LUZP2: variants seen among roughly 807,000 people sequenced by gnomAD.
The protein encoded by LUZP2 is leucine zipper protein 2.
A neutral mutation model predicts 51.6 loss-of-function variants in LUZP2; 52 were observed. The ratio of observed to expected loss-of-function variants is 1.01; its 90% CI spans 0.81 to 1.27. The LOEUF (loss-of-function observed/expected upper bound fraction) is 1.27, where lower values mean the gene tolerates loss of function less well. LUZP2 is among the 50% of genes most tolerant of loss of function. The pLI is 0.00. For missense variants in LUZP2, 436 were observed against 395.4 expected (o/e 1.10, Z -0.87); for synonymous variants, 154 against 137.3 (o/e 1.12, Z -0.85).
chr11:24,896,724 C>G (rs909164293), intron 5 of LUZP2, among the ~76,000 whole-genome samples: 3 of 152,334 alleles, frequency 2.0e-5, no homozygotes, highest in African/African-American at 7.2e-5. Context: ...CCGGTGGCCC[C>G]GGCACGGGAT....
chr11:24,896,944 C>G (rs745338796), intron 5 of LUZP2, among the ~76,000 whole-genome samples: 4 of 152,116 alleles, frequency 2.6e-5, no homozygotes, highest in Non-Finnish European at 5.9e-5. Flanking sequence ...CACCAATCAG[C>G]ACTCTGTGTC....
Position 25,079,790 on chromosome 11 carries a change from T to A in LUZP2, c.*1132T>A, listed in dbSNP as rs1859416624. 6.6e-6 allele frequency: 1 copy of A among 152,212 alleles called. No homozygotes were observed. Among genetic ancestry groups the A allele is most frequent in the Admixed American group, 6.5e-5 (1 of 15,276 alleles). 9.4% of individuals were successfully genotyped at this position (152,212 alleles called of 1,614,324 possible). A position where few individuals can be genotyped will look rare whatever the true frequency, so the allele number is the denominator to read the frequency against. On this transcript the variant is annotated 3_prime_UTR_variant, in exon 12 of 12. Coordinates refer to ENST00000336930, the MANE Select transcript of LUZP2 (RefSeq NM_001009909.4). Reference sequence around the variant, plus strand: ...GTTGTCTGGACTGAAAAGTCATTTCTTTTGTTTAGAACCTTTTTGCAACCG... The same window carrying A: ...GTTGTCTGGACTGAAAAGTCATTTCATTTGTTTAGAACCTTTTTGCAACCG...
intron 5 of LUZP2, among the ~76,000 whole-genome samples, chr11:24,899,317 G>T (rs1191935023): frequency 6.6e-6 from 1 of 151,624 alleles, no homozygotes; most frequent in African/African-American, 2.4e-5. Flanking sequence ...TCAAATGTAG[G>T]ATATTTGAGT....
intron 1 of LUZP2, among the ~76,000 whole-genome samples, chr11:24,701,979 T>G (rs1235966156): frequency 6.6e-6 from 1 of 152,232 alleles, no homozygotes; most frequent in Non-Finnish European, 1.5e-5. Flanking sequence ...CATTGTTTCC[T>G]AAAGAAAACC....
chr11:24,816,699 C>T (rs987877584), intron 5 of LUZP2, among the ~76,000 whole-genome samples: 1 of 151,960 alleles, frequency 6.6e-6, no homozygotes, highest in East Asian at 1.9e-4. Flanking sequence ...TCATGACAAG[C>T]ACCATGTTAA....
chr11:24,602,171 T>A lies in LUZP2; in HGVS notation c.62+104866T>A, dbSNP rs866802593. On this transcript the variant is annotated intron_variant, in intron 1 of 11. Transcript: ENST00000336930. ...ATATGTATATATGTATATATGTGTA[T>A]ATATATGTGTATATATGTATATATG... Among the ~76,000 whole-genome samples the A allele has an allele frequency of 5.3e-5, 4 of 74,932 alleles. 1 individual carries two copies. The highest frequency in any genetic ancestry group is 2.5e-4 in the African/African-American group (4 of 16,230). The allele number at this position is 74,932 out of a possible 152,430, so 49.2% of individuals were successfully genotyped here.
chr11:24,839,815 G>A (rs74803530), intron 5 of LUZP2, among the ~76,000 whole-genome samples: 2,140 of 151,652 alleles, frequency 0.014, 48 homozygotes, highest in African/African-American at 0.048. Flanking sequence ...AGAAATAATC[G>A]AAATGATAGT....
At chr11:24,766,934 A>G (rs1590481199) in intron 5 of LUZP2, among the ~76,000 whole-genome samples, 1 of 151,836 alleles carries the variant, frequency 6.6e-6, no homozygotes, top group Non-Finnish European at 1.5e-5. Context: ...GCTAATTTCT[A>G]TATTTTTAGT....
In LUZP2 at chr11:24,617,595, C is replaced by A. The variant is rs548807005; in HGVS notation, c.63-111574C>A. On this transcript the variant is annotated intron_variant, in intron 1 of 11. Coordinates refer to ENST00000336930, the MANE Select transcript of LUZP2 (RefSeq NM_001009909.4). Reference sequence around the variant, plus strand: ...TAGCACTTTGGGAAGCCAAGGTGGGCAGATTGCCTGAGCTCAGGAGTTTGA... The same window carrying A: ...TAGCACTTTGGGAAGCCAAGGTGGGAAGATTGCCTGAGCTCAGGAGTTTGA... Among the ~76,000 whole-genome samples the A allele has an allele frequency of 4.6e-5, 7 of 152,204 alleles. No homozygotes were observed. In the East Asian group the frequency reaches 1.2e-3, roughly 25 times the overall value.
At chr11:24,704,521 T>G (rs1258869624) in intron 1 of LUZP2, among the ~76,000 whole-genome samples, 1 of 151,630 alleles carries the variant, frequency 6.6e-6, no homozygotes, top group East Asian at 1.9e-4. Context: ...TGGCATTAAT[T>G]AGTTTGCACT....
At chr11:24,961,812 C>T (rs1246244990) in intron 7 of LUZP2, among the ~76,000 whole-genome samples, 1 of 147,426 alleles carries the variant, frequency 6.8e-6, no homozygotes, top group East Asian at 2.0e-4. Context: ...GGTTATTTTG[C>T]TCGTTAGTTG....
chr11:24,506,659 G>T (rs1184154350), intron 1 of LUZP2, among the ~76,000 whole-genome samples: 2 of 152,044 alleles, frequency 1.3e-5, no homozygotes, highest in Non-Finnish European at 2.9e-5. Context: ...GATTTCTGAG[G>T]ACTAATCGTG....
intron 1 of LUZP2, among the ~76,000 whole-genome samples, chr11:24,593,843 C>T (rs1853339307): frequency 6.6e-6 from 1 of 152,230 alleles, no homozygotes; most frequent in East Asian, 1.9e-4. Context: ...AACTAAAGTC[C>T]ACCTTGAGGG....
intron 7 of LUZP2, among the ~76,000 whole-genome samples, chr11:24,952,110 C>T (rs1273130860): frequency 6.6e-6 from 1 of 151,434 alleles, no homozygotes; most frequent in Non-Finnish European, 1.5e-5. Context: ...ATAAGATGAA[C>T]AAATATTAAA....
chr11:24,835,071 A>G (rs1165841606), intron 5 of LUZP2, among the ~76,000 whole-genome samples: 1 of 152,064 alleles, frequency 6.6e-6, no homozygotes, highest in Non-Finnish European at 1.5e-5. Context: ...CCACAAGGCT[A>G]CAGTAACTAA....
intron 9 of LUZP2, among the ~76,000 whole-genome samples, chr11:25,016,456 C>T (rs1596849): frequency 0.38 from 57,617 of 151,698 alleles, 13,286 homozygotes; most frequent in East Asian, 0.77. Flanking sequence ...CCTCCAGTTT[C>T]ACCCAAGTTG....
intron 7 of LUZP2, among the ~76,000 whole-genome samples, chr11:24,963,459 C>G (rs1467790397): frequency 6.6e-6 from 1 of 152,192 alleles, no homozygotes; most frequent in Non-Finnish European, 1.5e-5. Context: ...CTAAGCAAGC[C>G]TGGGCAATGG....
chr11:25,029,467 G>T (rs184328541), intron 9 of LUZP2, among the ~76,000 whole-genome samples: 253 of 152,252 alleles, frequency 1.7e-3, no homozygotes, highest in African/African-American at 5.7e-3. Flanking sequence ...GCTGGGTGCA[G>T]TGGCTCACAC....
chr11:25,013,592 G>C (rs1034953163), intron 9 of LUZP2, among the ~76,000 whole-genome samples: 4 of 151,590 alleles, frequency 2.6e-5, no homozygotes, highest in African/African-American at 9.7e-5. Flanking sequence ...TTCACTTTTA[G>C]CTATTTGTTA....
Sources: allele counts gnomAD v4.1 joint callset (sites outside exome capture counted in the v4.1 genomes callset), GRCh38; gene constraint gnomAD v4.1.1; transcripts MANE v1.5; gene names NCBI Gene and HGNC (gene_info 2026-07-23, HGNC 2026-07-21).